CDKAL1: variants seen among roughly 807,000 people sequenced by gnomAD.
The protein encoded by CDKAL1 is threonylcarbamoyladenosine tRNA methylthiotransferase.
Under a neutral mutation model 68.2 loss-of-function variants are expected in CDKAL1, and 32 were observed. The ratio of observed to expected loss-of-function variants is 0.47; its 90% CI spans 0.35 to 0.63. The LOEUF (loss-of-function observed/expected upper bound fraction) is 0.63, where lower values mean the gene tolerates loss of function less well. CDKAL1 is among the 30% of genes least tolerant of loss of function. The probability of loss-of-function intolerance (pLI) is 0.00; values close to 1 mark genes in which losing one functional copy is unlikely to be tolerated. For missense variants in CDKAL1, 606 were observed against 696.7 expected (o/e 0.87, Z 1.47); for synonymous variants, 234 against 244.3 (o/e 0.96, Z 0.39).
intron 9 of CDKAL1, among the ~76,000 whole-genome samples, chr6:20,904,438 G>A (rs886697171): frequency 6.6e-6 from 1 of 152,112 alleles, no homozygotes. Context: ...TTGGGAGCCA[G>A]ATCCTGGAAA....
chr6:20,559,469 T>G (rs1764186251), intron 4 of CDKAL1: 1 of 152,234 alleles, frequency 6.6e-6, no homozygotes. Flanking sequence ...ATTTTGCCAC[T>G]AGTAAAGATG....
At position 20,671,400 on chromosome 6, in the gene CDKAL1, G is replaced by C. The variant is rs1473736432; in HGVS notation, c.371+22023G>C. 3.9e-5 allele frequency among the ~76,000 whole-genome samples: 6 copies of C among 152,124 alleles called. No individual in the cohort carries two copies. The South Asian group carries it at 1.0e-3, about 26-fold the overall frequency. Reference sequence around the variant, plus strand: ...TGTTTGTCTGTGGCATATGTCACAGGCATATTCTCCCCTTTTGTCTGCTGT... The same window carrying C: ...TGTTTGTCTGTGGCATATGTCACAGCCATATTCTCCCCTTTTGTCTGCTGT... On this transcript the variant is annotated intron_variant, in intron 5 of 15. Transcript: ENST00000274695.
intron 5 of CDKAL1, among the ~76,000 whole-genome samples, chr6:20,708,275 A>T (rs1771690801): frequency 6.6e-6 from 1 of 152,094 alleles, no homozygotes; most frequent in Non-Finnish European, 1.5e-5. Flanking sequence ...ATTTGGGATA[A>T]TTTTTTTCAC....
chr6:20,800,558 C>A (rs1776324703), intron 8 of CDKAL1: 1 of 152,210 alleles, frequency 6.6e-6, no homozygotes, highest in Admixed American at 6.5e-5. Flanking sequence ...CTTCTAAACT[C>A]TCATGCCCAG....
Position 21,068,292 on chromosome 6 carries a change from A to G in CDKAL1, c.1236+3064A>G, listed in dbSNP as rs372271823. Among the ~76,000 whole-genome samples the G allele has an allele frequency of 2.6e-5, 4 of 152,246 alleles. No homozygotes were observed. In the East Asian group the frequency reaches 7.7e-4, roughly 29 times the overall value. On this transcript the variant is annotated intron_variant, in intron 12 of 15. Coordinates refer to ENST00000274695, the MANE Select transcript of CDKAL1 (RefSeq NM_017774.3). ...AAGAAATGTTTACCTTCTCCACACC[A>G]TCATAAAGATACCCCTCAATGTACT...
intron 13 of CDKAL1, among the ~76,000 whole-genome samples, chr6:21,130,911 G>A (rs1302816957): frequency 6.6e-6 from 1 of 152,148 alleles, no homozygotes; most frequent in Non-Finnish European, 1.5e-5. Context: ...AGCTAGTGGT[G>A]GATTTGGAAT....
At chr6:21,203,736 T>C (rs565307956) in intron 15 of CDKAL1, among the ~76,000 whole-genome samples, 76 of 143,792 alleles carry the variant, frequency 5.3e-4, no homozygotes, top group African/African-American at 2.0e-3. Context: ...GAAGTTTTGC[T>C]TGTCGCCCAG....
intron 13 of CDKAL1, among the ~76,000 whole-genome samples, chr6:21,179,710 T>C (rs567128159): frequency 1.2e-4 from 18 of 152,350 alleles, no homozygotes; most frequent in Admixed American, 1.1e-3. Context: ...AATGGAATAC[T>C]ATCACTTTGA....
At chr6:20,892,302 A>G (rs1351971499) in intron 9 of CDKAL1, among the ~76,000 whole-genome samples, 1 of 152,176 alleles carries the variant, frequency 6.6e-6, no homozygotes, top group Non-Finnish European at 1.5e-5. Flanking sequence ...CTTAAAAGAG[A>G]ATTGAAATAT....
At chr6:20,951,855 T>G (rs1408940446) in intron 9 of CDKAL1, among the ~76,000 whole-genome samples, 1 of 152,160 alleles carries the variant, frequency 6.6e-6, no homozygotes, top group East Asian at 1.9e-4. Flanking sequence ...ACCCCACCAC[T>G]TTCTTTTTTT....
At chr6:20,807,920 A>G (rs1776641875) in intron 8 of CDKAL1, among the ~76,000 whole-genome samples, 1 of 152,222 alleles carries the variant, frequency 6.6e-6, no homozygotes, top group East Asian at 1.9e-4. Flanking sequence ...GCAGTGAGGA[A>G]CTCACACCTA....
chr6:20,965,996 G>A (rs1306976168), intron 10 of CDKAL1, among the ~76,000 whole-genome samples: 1 of 152,130 alleles, frequency 6.6e-6, no homozygotes, highest in East Asian at 1.9e-4. Context: ...CCTATGAAAG[G>A]CTACCTTAGG....
At chr6:21,011,065 G>C (rs930856929) in intron 11 of CDKAL1, among the ~76,000 whole-genome samples, 2 of 142,220 alleles carry the variant, frequency 1.4e-5, no homozygotes, top group African/African-American at 5.3e-5. Flanking sequence ...CTGGGTGACA[G>C]AGTGAGTCTC....
At chr6:20,981,433 C>T (rs1766138665) in intron 10 of CDKAL1, among the ~76,000 whole-genome samples, 1 of 152,168 alleles carries the variant, frequency 6.6e-6, no homozygotes, top group Non-Finnish European at 1.5e-5. Flanking sequence ...GTCTTAGATA[C>T]CCCTTGCAAA....
intron 9 of CDKAL1, among the ~76,000 whole-genome samples, chr6:20,930,216 C>G (rs1561892899): frequency 6.6e-6 from 1 of 151,494 alleles, no homozygotes; most frequent in African/African-American, 2.4e-5. Flanking sequence ...GAATTTATTT[C>G]ATTGTTTTTT....
chr6:20,711,447 A>C (rs923539605), intron 5 of CDKAL1, among the ~76,000 whole-genome samples: 9 of 152,206 alleles, frequency 5.9e-5, no homozygotes, highest in African/African-American at 2.2e-4. Context: ...GACAAATTGG[A>C]ATCCTGGCTC....
At chr6:20,739,677 G>A (rs1395150767) in intron 6 of CDKAL1, 62 bp downstream of exon 6, 8 of 838,402 alleles carry the variant, frequency 9.5e-6, no homozygotes, top group African/African-American at 3.4e-5. Context: ...TAATAGCTCC[G>A]CATTTTATTT....
intron 15 of CDKAL1, among the ~76,000 whole-genome samples, chr6:21,221,181 A>G (rs1779526818): frequency 6.6e-6 from 1 of 152,118 alleles, no homozygotes. Context: ...AATAAAAATA[A>G]AATGTAATTG....
At chr6:20,613,829 T>A (rs1286097563) in intron 4 of CDKAL1, among the ~76,000 whole-genome samples, 1 of 152,138 alleles carries the variant, frequency 6.6e-6, no homozygotes, top group Non-Finnish European at 1.5e-5. Context: ...TATCTGGAAG[T>A]GTAATTACTG....
Sources: allele counts gnomAD v4.1 joint callset (sites outside exome capture counted in the v4.1 genomes callset), GRCh38; gene constraint gnomAD v4.1.1; transcripts MANE v1.5; gene names NCBI Gene and HGNC (gene_info 2026-07-23, HGNC 2026-07-21).